The following LMCD1 variants were observed in gnomAD, a reference collection of about 807,000 sequenced individuals.
LMCD1 encodes the protein LIM and cysteine rich domains 1.
A neutral mutation model predicts 42.7 loss-of-function variants in LMCD1; 32 were observed. That is an observed-to-expected ratio of 0.75 (90% CI 0.57 to 1.01). LMCD1 has a LOEUF of 1.01. Ranked by LOEUF, LMCD1 falls within the 50% of genes least tolerant of loss-of-function variation. LMCD1 has a pLI of 0.00. For missense variants in LMCD1, 458 were observed against 483.1 expected, an observed-to-expected ratio of 0.95 and a Z score of 0.49; for synonymous variants, 178 against 184.9, an observed-to-expected ratio of 0.96 and a Z score of 0.30.
chr3:8,529,751 C>G (rs1440345550), intron 1 of LMCD1, among the ~76,000 whole-genome samples: 6 of 152,084 alleles, frequency 3.9e-5, no homozygotes, highest in African/African-American at 1.4e-4. Flanking sequence ...AAAATAGTTC[C>G]TCTGAAGTCC....
chr3:8,520,859 G>A (rs1694191620), intron 1 of LMCD1, among the ~76,000 whole-genome samples: 1 of 152,188 alleles, frequency 6.6e-6, no homozygotes, highest in African/African-American at 2.4e-5. Flanking sequence ...AATGGAAGGA[G>A]ATCAGAGGAC....
Position 8,568,082 on chromosome 3 carries a change from G to A in LMCD1, c.*484G>A, listed in dbSNP as rs1695159172. ...GAATTTTAAATAAACAACTTTTTTTGGCATGATAAACAGATCAATAAAAGT... is the reference window on the plus strand; with the variant it reads ...GAATTTTAAATAAACAACTTTTTTTAGCATGATAAACAGATCAATAAAAGT... On this transcript the variant is annotated 3_prime_UTR_variant, in exon 6 of 6. Coordinates refer to ENST00000157600, the MANE Select transcript of LMCD1 (RefSeq NM_014583.4). 6.6e-6 allele frequency: 1 copy of A among 152,182 alleles called. No homozygotes were observed. Among genetic ancestry groups the A allele is most frequent in the Admixed American group, 6.5e-5 (1 of 15,276 alleles). 9.4% of individuals were successfully genotyped at this position (152,182 alleles called of 1,614,324 possible).
At chr3:8,534,922 C>T (rs926488472) in intron 2 of LMCD1, among the ~76,000 whole-genome samples, 1 of 152,212 alleles carries the variant, frequency 6.6e-6, no homozygotes. Flanking sequence ...TTTCAAGGAA[C>T]ATCTCAGATC....
intron 4 of LMCD1, chr3:8,549,749 AGGGG>A (rs1489453750): frequency 1.4e-6 from 1 of 697,578 alleles, no homozygotes; most frequent in African/African-American, 1.8e-5. Context: ...TCCAAGGCCA[AGGGG>A]CTGCATCTGG....
At chr3:8,544,857 A>G (rs533125432) in intron 3 of LMCD1, among the ~76,000 whole-genome samples, 46 of 152,334 alleles carry the variant, frequency 3.0e-4, no homozygotes, top group African/African-American at 1.1e-3. Flanking sequence ...AGTCAGGGTC[A>G]GGCACAGAAA....
In LMCD1 at chr3:8,548,795, T is replaced by G; in HGVS notation, c.615T>G (p.Gly205=). 6.2e-7 allele frequency: 1 copy of G among 1,610,186 alleles called. No individual in the cohort carries two copies. Among genetic ancestry groups the G allele is most frequent in the Non-Finnish European group, 8.5e-7 (1 of 1,176,838 alleles). Residue 205 remains glycine (G), a synonymous_variant, in exon 4 of 6, where the codon GGT becomes GGG. Transcript: ENST00000157600. The part of the protein sequence containing the change: ...GVGEVALPGQ[G]GLPKEEGKQQ... ...GAGAAGTGGCCCTCCCGGGGCAGGG[T>G]GGCTTGCCCAAGGAGGAGGGGAAGC...
intron 1 of LMCD1, among the ~76,000 whole-genome samples, chr3:8,530,287 A>G (rs1478274166): frequency 6.6e-6 from 1 of 152,218 alleles, no homozygotes; most frequent in Admixed American, 6.5e-5. Flanking sequence ...CTTATTTTTC[A>G]GAAGAGATGC....
At chr3:8,537,741 G>A (rs1694539672) in intron 3 of LMCD1, among the ~76,000 whole-genome samples, 1 of 152,182 alleles carries the variant, frequency 6.6e-6, no homozygotes. Flanking sequence ...CTGAACAGGA[G>A]ATAGTTTATC....
chr3:8,502,569 TACACACACAC>T (rs5846600), intron 1 of LMCD1, among the ~76,000 whole-genome samples: 22 of 134,432 alleles, frequency 1.6e-4, no homozygotes, highest in East Asian at 4.8e-4. Context: ...TTTCCCCCAA[TACACACACAC>T]ACACACACAC....
chr3:8,517,631 A>C (rs1051831063), intron 1 of LMCD1, among the ~76,000 whole-genome samples: 2 of 152,230 alleles, frequency 1.3e-5, no homozygotes, highest in Non-Finnish European at 2.9e-5. Context: ...TCTTCTGATT[A>C]TATCAAGGAG....
rs970388934 is a variant in LMCD1 at position 8,548,560 on chromosome 3, C to T, written c.388-8C>T. On this transcript the variant is annotated splice_region_variant and splice_polypyrimidine_tract_variant and intron_variant, in intron 3 of 5. Coordinates refer to ENST00000157600, the MANE Select transcript of LMCD1 (RefSeq NM_014583.4). Reference sequence around the variant, plus strand: ...ATCATGTTGTCTCTTCCTCCTCCTCCTCCCTAGGGACTGCAGTACATGGAG... The same window carrying T: ...ATCATGTTGTCTCTTCCTCCTCCTCTTCCCTAGGGACTGCAGTACATGGAG... 1.1e-5 allele frequency: 18 copies of T among 1,579,044 alleles called. No individual in the cohort carries two copies. Among genetic ancestry groups the T allele is most frequent in the Non-Finnish European group, 1.6e-5 (18 of 1,157,282 alleles).
chr3:8,562,542 A>G (rs1574976344), intron 4 of LMCD1, among the ~76,000 whole-genome samples: 1 of 152,192 alleles, frequency 6.6e-6, no homozygotes, highest in Non-Finnish European at 1.5e-5. Flanking sequence ...GGTCTTATCT[A>G]TAAAATGAGT....
At position 8,556,480 on chromosome 3, in the gene LMCD1, A is replaced by C. The variant is rs150824285; in HGVS notation, c.723+7577A>C. 7.4e-4 allele frequency among the ~76,000 whole-genome samples: 112 copies of C among 152,260 alleles called. 2 individuals are homozygous for C. In the East Asian group the frequency reaches 0.021, roughly 29 times the overall value. ...CTACTGTGGATTACAGACAAAAACA[A>C]AAATTTCAAAAAACAAAGCTGAGGA... is the stretch of plus-strand genomic sequence containing the variant. On this transcript the variant is annotated intron_variant, in intron 4 of 5. Transcript: ENST00000157600.
At chr3:8,559,506 C>A (rs1252340016) in intron 4 of LMCD1, among the ~76,000 whole-genome samples, 35 of 152,260 alleles carry the variant, frequency 2.3e-4, no homozygotes, top group African/African-American at 7.9e-4. Context: ...TTCATTTGCC[C>A]AAGGTCACAC....
intron 1 of LMCD1, among the ~76,000 whole-genome samples, chr3:8,528,818 A>G (rs1694350573): frequency 1.3e-5 from 2 of 152,052 alleles, no homozygotes; most frequent in Admixed American, 1.3e-4. Context: ...TGCTTGAGAG[A>G]GGAGTCCCAG....
intron 1 of LMCD1, among the ~76,000 whole-genome samples, chr3:8,517,458 C>T (rs1488799287): frequency 6.6e-6 from 1 of 152,212 alleles, no homozygotes; most frequent in East Asian, 1.9e-4. Flanking sequence ...AAGGGATGCT[C>T]AACCTGTACT....
At chr3:8,551,639 C>A (rs535009053) in intron 4 of LMCD1, among the ~76,000 whole-genome samples, 7 of 152,176 alleles carry the variant, frequency 4.6e-5, no homozygotes, top group African/African-American at 1.7e-4. Flanking sequence ...TTTTTACCTC[C>A]TTGAAGCAGG....
chr3:8,542,257 C>T (rs1345128677), intron 3 of LMCD1, among the ~76,000 whole-genome samples: 1 of 151,880 alleles, frequency 6.6e-6, no homozygotes, highest in African/African-American at 2.4e-5. Context: ...CCGCCTTGGC[C>T]TCCCAAAGTG....
At chr3:8,541,927 G>A (rs537979605) in intron 3 of LMCD1, among the ~76,000 whole-genome samples, 3 of 150,692 alleles carry the variant, frequency 2.0e-5, no homozygotes, top group African/African-American at 7.3e-5. Context: ...GCCAGGCAAG[G>A]CCAGGATCAC....
Sources: gnomAD v4.1 joint callset for allele counts (sites outside exome capture counted in the v4.1 genomes callset) on GRCh38, gnomAD v4.1.1 for gene constraint, MANE v1.5 for transcripts, NCBI Gene and HGNC (gene_info 2026-07-23, HGNC 2026-07-21) for gene names.